Variants in UBR1 observed in about 807,000 individuals in gnomAD.
The protein encoded by UBR1 is E3 ubiquitin-protein ligase UBR1.
In UBR1, 102 loss-of-function variants were observed where a neutral mutation model predicts 242.1. The observed-to-expected ratio is 0.42, with a 90% CI of 0.36 to 0.50. UBR1 has a LOEUF of 0.50. UBR1 is among the 20% of genes least tolerant of loss of function. The pLI is 0.01. For synonymous variants in UBR1, 675 were observed against 684.8 expected (o/e 0.99, Z 0.22); for missense variants, 1,772 against 2,101.8 (o/e 0.84, Z 3.07).
chr15:43,076,147 G>GT (rs34147534), intron 3 of UBR1, among the ~76,000 whole-genome samples: 63,350 of 130,586 alleles, frequency 0.49, 14,471 homozygotes, highest in Non-Finnish European at 0.61. Context: ...ACTGGTTTTC[G>GT]TTTTTTTTTT....
At chr15:42,962,469 G>A (rs1166909184) in intron 42 of UBR1, among the ~76,000 whole-genome samples, 1 of 152,036 alleles carries the variant, frequency 6.6e-6, no homozygotes, top group Non-Finnish European at 1.5e-5. Context: ...GACAGACAGA[G>A]CTAGCCTGAA....
chr15:43,068,811 G>C (rs1418651111), intron 5 of UBR1, among the ~76,000 whole-genome samples: 1 of 152,048 alleles, frequency 6.6e-6, no homozygotes, highest in African/African-American at 2.4e-5. Context: ...AGTAGAGACA[G>C]GGTTTCACCA....
intron 39 of UBR1, among the ~76,000 whole-genome samples, chr15:42,973,885 GTTTTTTT>G (rs1174730906): frequency 2.5e-5 from 3 of 120,252 alleles, no homozygotes; most frequent in Non-Finnish European, 3.5e-5. Context: ...ACTTGTAGGA[GTTTTTTT>G]TTTTTTTTTT....
chr15:42,988,862 G>T lies in UBR1; in HGVS notation c.3954C>A (p.Pro1318=). 1.2e-6 allele frequency: 2 copies of T among 1,614,172 alleles called. No homozygotes were observed. The highest frequency in any genetic ancestry group is 1.7e-6 in the Non-Finnish European group (2 of 1,180,036). Residue 1318 remains proline, a synonymous_variant, in exon 35 of 47, where the codon CCC becomes CCA. Transcript: ENST00000290650. ...AAGCGCAGGTGCTCCAGGTCAGCAT[G>T]GGGACTCGAGGATCCCTTTCATCAG... is the stretch of plus-strand genomic sequence containing the variant. The part of the protein sequence containing the change: ...VPPDERDPRV[P]MLTWSTCAFT...
At chr15:43,068,057 A>C in intron 5 of UBR1, 21 bp from the exon 6 acceptor site, 2 of 1,503,952 alleles carry the variant, frequency 1.3e-6, no homozygotes, top group Non-Finnish European at 1.8e-6. Flanking sequence ...AAAAACATAT[A>C]TATTTGGATA....
chr15:43,058,521 T>A, intron 9 of UBR1, 92 bp from the exon 10 acceptor site: 2 of 793,952 alleles, frequency 2.5e-6, no homozygotes, highest in Non-Finnish European at 4.3e-6. Context: ...CAGAATATTA[T>A]AAAATTACTT....
rs1265375100 is a variant in UBR1 at position 43,070,938 on chromosome 15, C to T, written c.529-13G>A. 2.5e-6 allele frequency: 4 copies of T among 1,611,834 alleles called. No homozygotes were observed. Among genetic ancestry groups the T allele is most frequent in the Admixed American group, 3.3e-5 (2 of 59,986 alleles). On this transcript the variant is annotated splice_polypyrimidine_tract_variant and intron_variant, in intron 4 of 46. Coordinates refer to ENST00000290650, the MANE Select transcript of UBR1 (RefSeq NM_174916.3). ...GACAGCGTGAATTCTATAAAAAAGCCGAGAAAAACATACTAGTCAAGATTG... is the reference window on the plus strand; with the variant it reads ...GACAGCGTGAATTCTATAAAAAAGCTGAGAAAAACATACTAGTCAAGATTG...
At position 43,021,306 on chromosome 15, in the gene UBR1, C is replaced by T; in HGVS notation, c.2909G>A (p.Gly970Asp). 6.2e-7 allele frequency: 1 copy of T among 1,613,696 alleles called. No homozygotes were observed. The highest frequency in any genetic ancestry group is 2.2e-5 in the East Asian group (1 of 44,774). ...TATCCACGTTATCATGTCCTTCTGG[C>T]CTTCTAACTGGGGAATTCCTTTGAG... ...EKLKGIPQLE[G>D]QKDMITWILQ... The change falls in exon 27 of 47, where the codon GGC (glycine) becomes GAC (aspartate). Residue 970 changes from glycine to aspartate, a missense_variant. By Grantham distance (94) the Gly-to-Asp change is moderately conservative (BLOSUM62 -1). This residue lies in a region of UBR1 where 965 missense variants were observed against 1,079.7 expected (regional missense o/e 0.89). Transcript: ENST00000290650.
chr15:43,096,502 A>G (rs900596407), intron 1 of UBR1, among the ~76,000 whole-genome samples: 4 of 152,130 alleles, frequency 2.6e-5, no homozygotes, highest in African/African-American at 7.2e-5. Flanking sequence ...AGTCTGCCAC[A>G]TTGATTGACC....
At chr15:42,994,381 C>CAAAA (rs72106180) in intron 33 of UBR1, among the ~76,000 whole-genome samples, 1 of 91,916 alleles carries the variant, frequency 1.1e-5, no homozygotes, top group Non-Finnish European at 2.3e-5. Context: ...GACGCTGTCT[C>CAAAA]AAAAAAAAAA....
chr15:42,981,959 C>T (rs1232576453), intron 37 of UBR1, among the ~76,000 whole-genome samples: 1 of 152,182 alleles, frequency 6.6e-6, no homozygotes, highest in Non-Finnish European at 1.5e-5. Context: ...AGCTACACTA[C>T]ATAAATTCCT....
chr15:43,078,185 T>G (rs1166350737), intron 3 of UBR1, among the ~76,000 whole-genome samples: 2 of 151,528 alleles, frequency 1.3e-5, no homozygotes, highest in African/African-American at 4.9e-5. Flanking sequence ...TGAACATGAG[T>G]TGGGACTTGA....
At chr15:42,982,426 G>T (rs1226110571) in intron 37 of UBR1, among the ~76,000 whole-genome samples, 1 of 152,174 alleles carries the variant, frequency 6.6e-6, no homozygotes, top group Non-Finnish European at 1.5e-5. Context: ...AGGGAAAAAA[G>T]TAAGTGAAAG....
chr15:43,029,794 A>G lies in UBR1; in HGVS notation c.2379+150T>C. On this transcript the variant is annotated intron_variant, in intron 21 of 46. Transcript: ENST00000290650. ...AGTTTCTCCCAGAATTAAAATTTAT[A>G]CCACTAAAGGATGAAGGTGATTGGT... is the stretch of plus-strand genomic sequence containing the variant. The G allele has an allele frequency of 6.3e-6, 5 of 792,750 alleles. No homozygotes were observed. In the South Asian group the frequency reaches 9.3e-5, roughly 15 times the overall value. The allele number at this position is 792,750 out of a possible 1,614,324, so 49.1% of individuals were successfully genotyped here.
chr15:43,012,352 C>A (rs555896078), intron 29 of UBR1, among the ~76,000 whole-genome samples: 3 of 151,934 alleles, frequency 2.0e-5, no homozygotes, highest in East Asian at 3.8e-4. Flanking sequence ...CTAGAAAACA[C>A]GAAACAAGCC....
In UBR1 at chr15:42,942,992, T is replaced by C. The variant is rs1288962754; in HGVS notation, c.*2337A>G. 2.6e-5 allele frequency: 4 copies of C among 152,656 alleles called. No homozygotes were observed. Among genetic ancestry groups the C allele is most frequent in the African/African-American group, 9.6e-5 (4 of 41,468 alleles). The allele number at this position is 152,656 out of a possible 1,614,324, so 9.5% of individuals were successfully genotyped here. On this transcript the variant is annotated 3_prime_UTR_variant, in exon 47 of 47. Coordinates refer to ENST00000290650, the MANE Select transcript of UBR1 (RefSeq NM_174916.3). ...ACATTTTTGCAATAAAAGTTATCAA[T>C]ATATGCATTATTTGTATAACTTCAT...
chr15:42,960,497 T>C (rs1018541267), intron 43 of UBR1, 148 bp downstream of exon 43: 3 of 810,578 alleles, frequency 3.7e-6, no homozygotes, highest in East Asian at 5.5e-5. Context: ...AGGAAGAATC[T>C]GATTTCTGGC....
chr15:42,984,160 C>T (rs974086325), intron 36 of UBR1, among the ~76,000 whole-genome samples, 167 bp from the exon 37 acceptor site: 1 of 152,286 alleles, frequency 6.6e-6, no homozygotes, highest in Middle Eastern at 3.4e-3. Flanking sequence ...AATACCTGTA[C>T]AAGGTTTTAT....
intron 1 of UBR1, among the ~76,000 whole-genome samples, chr15:43,100,774 G>A (rs879740147): frequency 1.3e-5 from 2 of 152,202 alleles, no homozygotes; most frequent in African/African-American, 4.8e-5. Flanking sequence ...GGCGGAGGTT[G>A]CAGTGAGCCG....
Sources: allele counts gnomAD v4.1 joint callset (sites outside exome capture counted in the v4.1 genomes callset), GRCh38; gene constraint gnomAD v4.1.1; regional missense constraint gnomAD v4.1.1; transcripts MANE v1.5; gene names NCBI Gene and HGNC (gene_info 2026-07-23, HGNC 2026-07-21).